Variants in LZTS3 observed in about 807,000 individuals in gnomAD.
The protein encoded by LZTS3 is leucine zipper tumor suppressor family member 3, also known as leucine zipper putative tumor suppressor 3.
A neutral mutation model predicts 50.9 loss-of-function variants in LZTS3; 16 were observed. The observed-to-expected ratio is 0.31, with a 90% CI of 0.21 to 0.48. The LOEUF (loss-of-function observed/expected upper bound fraction) is 0.48. Among genes scored for constraint, LZTS3 ranks in the 20% least tolerant of loss-of-function variants. The pLI is 0.99. For missense variants in LZTS3, 816 were observed against 931.0 expected, an observed-to-expected ratio of 0.88 and a Z score of 1.61; for synonymous variants, 408 against 410.6, an observed-to-expected ratio of 0.99 and a Z score of 0.08.
At chr20:3,166,648 G>C in intron 3 of LZTS3, 57 bp downstream of exon 3, 1 of 1,575,566 alleles carries the variant, frequency 6.3e-7, no homozygotes, top group Non-Finnish European at 8.7e-7. Flanking sequence ...CTTCCTCTCT[G>C]GGTTGCCTCC....
rs939105094 is a variant in LZTS3, at chr20:3,166,893, T to C, written c.271A>G (p.Lys91Glu). 4 of 1,613,270 alleles carry C rather than the reference T, an allele frequency of 2.5e-6. No individual in the cohort carries two copies. The African/African-American group carries it at 4.0e-5, about 16-fold the overall frequency. ...AGGTAGAGGGAGTTGGCGAGACCCT[T>C]GTCCTCTGAGGGGTAGCGGCCCGGC... ...ERPGRYPSED[K>E]GLANSLYLNG... Residue 91 changes from lysine (K) to glutamate (E), a missense_variant, in exon 3 of 5, where the codon AAG becomes GAG. Physicochemically the swap from Lys to Glu is moderately conservative, Grantham distance 56 (BLOSUM62 1). Transcript: ENST00000337576.
Position 3,166,104 on chromosome 20 carries a change from G to A in LZTS3, c.716C>T (p.Ala239Val), listed in dbSNP as rs1407139977. 1 of 1,612,458 alleles carries A rather than the reference G, an allele frequency of 6.2e-7. No individual in the cohort carries two copies. Among genetic ancestry groups the A allele is most frequent in the East Asian group, 2.2e-5 (1 of 44,836 alleles). The change falls in exon 4 of 5, where the codon GCA becomes GTA. Residue 239 changes from alanine to valine, a missense_variant. Ala to Val is a moderately conservative substitution (Grantham distance 64). Coordinates refer to ENST00000337576, the MANE Select transcript of LZTS3 (RefSeq NM_001365618.1). ...GTGGCTGGTGGAGGCACTGAGGGGT[G>A]CCAGGTGCTGGCTGTAGCTGGAGCT... is the stretch of plus-strand genomic sequence containing the variant. ...TYSSSYSQHL[A>V]PLSASTSHIN...
In LZTS3 at chr20:3,167,194, G is replaced by T. The variant is rs757977725; in HGVS notation, c.-18-13C>A. 7.6e-6 allele frequency: 11 copies of T among 1,444,886 alleles called. No homozygotes were observed. Among genetic ancestry groups the T allele is most frequent in the East Asian group, 2.5e-5 (1 of 40,790 alleles). 89.5% of individuals were successfully genotyped at this position (1,444,886 alleles called of 1,614,324 possible). A position where few individuals can be genotyped will look rare whatever the true frequency, so the allele number is the denominator to read the frequency against. On this transcript the variant is annotated splice_polypyrimidine_tract_variant and intron_variant, in intron 2 of 4. Coordinates refer to ENST00000337576, the MANE Select transcript of LZTS3 (RefSeq NM_001365618.1). ...AGCCAGGGGGGCACTGTGGGCACAG[G>T]TGGGAAGGCAGAGATAGGTAAGACC...
intron 1 of LZTS3, among the ~76,000 whole-genome samples, chr20:3,171,662 C>CA (rs35361315): frequency 0.051 from 5,498 of 108,296 alleles, 158 homozygotes; most frequent in East Asian, 0.15. Context: ...GATACCCCCT[C>CA]AAAAAAAAAA....
In LZTS3 at chr20:3,165,161, G is replaced by T; in HGVS notation, c.1324-9C>A. On this transcript the variant is annotated splice_polypyrimidine_tract_variant and intron_variant, in intron 4 of 4. Transcript: ENST00000337576. The surrounding 1 kb of genome is among the most constrained non-coding windows in gnomAD (Gnocchi z 5.0). ...CCAGCCTTCTGGCACACCTGGGCAG[G>T]AACAGGTGAGAGGAGAAGCCAGGTA... 21 of 1,539,170 alleles carry T rather than the reference G, an allele frequency of 1.4e-5. No individual in the cohort carries two copies. Among genetic ancestry groups the T allele is most frequent in the Non-Finnish European group, 1.8e-5 (20 of 1,142,832 alleles).
chr20:3,166,433 C>G (rs1311208159), intron 3 of LZTS3, 73 bp from the exon 4 acceptor site: 2 of 1,494,812 alleles, frequency 1.3e-6, no homozygotes, highest in African/African-American at 2.8e-5. Context: ...TCCCTCTGGC[C>G]AAGACTTGTC....
intron 1 of LZTS3, among the ~76,000 whole-genome samples, chr20:3,172,565 A>AC (rs1183898351): frequency 1.3e-5 from 2 of 151,452 alleles, no homozygotes; most frequent in African/African-American, 4.9e-5. Flanking sequence ...CCTGATCTCC[A>AC]CCCCCCAGAG....
chr20:3,169,258 T>G (rs1203297630), intron 1 of LZTS3, among the ~76,000 whole-genome samples: 2 of 152,168 alleles, frequency 1.3e-5, no homozygotes, highest in Non-Finnish European at 2.9e-5. Context: ...CTCCCCAGCA[T>G]ACTCCAGCCC....
At chr20:3,168,529 G>C (rs987932281) in intron 1 of LZTS3, 10 of 152,350 alleles carry the variant, frequency 6.6e-5, no homozygotes, top group African/African-American at 2.2e-4. Flanking sequence ...CTGTGGGTGC[G>C]CGTCCCCCTC....
intron 2 of LZTS3, chr20:3,167,396 AC>A (rs1448325192): frequency 3.6e-5 from 47 of 1,320,344 alleles, no homozygotes; most frequent in Non-Finnish European, 4.3e-5. Flanking sequence ...ATAAAGCCCA[AC>A]CCCCAGGGCT....
chr20:3,173,113 C>A (rs930423994), intron 1 of LZTS3, among the ~76,000 whole-genome samples: 1 of 152,094 alleles, frequency 6.6e-6, no homozygotes, highest in African/African-American at 2.4e-5. Context: ...TGATAGAGAC[C>A]CCAGCCACAG....
intron 1 of LZTS3, among the ~76,000 whole-genome samples, chr20:3,171,151 C>T (rs1396531740): frequency 1.3e-5 from 2 of 152,132 alleles, no homozygotes; most frequent in Admixed American, 6.5e-5. Context: ...AGGGGCAATA[C>T]AAACATGTAG....
At position 3,167,147 on chromosome 20, in the gene LZTS3, G is replaced by A. The variant is rs576991636; in HGVS notation, c.17C>T (p.Thr6Met). 25 of 1,484,508 alleles carry A rather than the reference G, an allele frequency of 1.7e-5. No individual in the cohort carries two copies. Among genetic ancestry groups the A allele is most frequent in the African/African-American group, 8.4e-5 (6 of 71,736 alleles). 92.0% of individuals were successfully genotyped at this position (1,484,508 alleles called of 1,614,324 possible). ...CCCTGGGTCAGCGCGCACAGGCAGC[G>A]TCTCCAGCTTCGCCATGACTAAGCC... MAKLE[T>M]LPVRADPGRD... is the part of the protein sequence containing the mutation. Residue 6 changes from threonine to methionine, a missense_variant, in exon 3 of 5, where the codon ACG becomes ATG. Around this residue, in one of 3 missense-constraint regions of LZTS3, gnomAD observed 700 missense variants for 769.4 expected, o/e 0.91. Transcript: ENST00000337576.
intron 3 of LZTS3, 64 bp from the exon 4 acceptor site, chr20:3,166,424 C>A: frequency 6.6e-7 from 1 of 1,513,288 alleles, no homozygotes; most frequent in Admixed American, 2.2e-5. Flanking sequence ...CCAGGCTCTT[C>A]CCTCTGGCCA....
Position 3,165,123 on chromosome 20 carries a change from G to A in LZTS3, c.1353C>T (p.Leu451=). The change falls in exon 5 of 5, where the codon CTC becomes CTT. Residue 451 remains leucine, a synonymous_variant. Coordinates refer to ENST00000337576, the MANE Select transcript of LZTS3 (RefSeq NM_001365618.1). This position sits in a 1 kb window ranked among gnomAD's most constrained non-coding sequence, Gnocchi z 5.0. ...EVCQKAGEIS[L]LKQQLKDSQA... The stretch of plus-strand genomic sequence containing the variant: ...GCGAGTCCTTCAGCTGCTGCTTCAG[G>A]AGGGAGATCTCGCCAGCCTTCTGGC... 1 of 1,585,984 alleles carries A rather than the reference G, an allele frequency of 6.3e-7. No homozygotes were observed. Among genetic ancestry groups the A allele is most frequent in the Non-Finnish European group, 8.6e-7 (1 of 1,166,836 alleles).
Position 3,168,955 on chromosome 20 carries a change from A to G in LZTS3, c.-242-994T>C, listed in dbSNP as rs2066869730. Among the ~76,000 whole-genome samples the G allele has an allele frequency of 1.3e-5, 2 of 152,148 alleles. 1 individual carries two copies. The highest frequency in any genetic ancestry group is 4.1e-4 in the South Asian group (2 of 4,826). On this transcript the variant is annotated intron_variant, in intron 1 of 4. Transcript: ENST00000337576. ...GAGTCTTCTGGCCCCCACACCAGGA[A>G]TGAGAGCTCTAGGTTGTTGGAAAGT...
chr20:3,162,823 C>T lies in LZTS3; in HGVS notation c.*1631G>A, dbSNP rs567666669. ...TTCTCCCTGCCCCTGTGGCCTAGGC[C>T]CAGGTTCTAGGGCAGGTACAGTGAG... On this transcript the variant is annotated 3_prime_UTR_variant, in exon 5 of 5. Coordinates refer to ENST00000337576, the MANE Select transcript of LZTS3 (RefSeq NM_001365618.1). This position sits in a 1 kb window ranked among gnomAD's most constrained non-coding sequence, Gnocchi z 5.0. The T allele has an allele frequency of 1.3e-5, 2 of 152,356 alleles. No homozygotes were observed. Among genetic ancestry groups the T allele is most frequent in the African/African-American group, 4.8e-5 (2 of 41,376 alleles). The allele number at this position is 152,356 out of a possible 1,614,324, so 9.4% of individuals were successfully genotyped here.
Position 3,166,783 on chromosome 20 carries a change from G to A in LZTS3, c.381C>T (p.Gly127=), listed in dbSNP as rs773771609. 2.5e-6 allele frequency: 4 copies of A among 1,613,698 alleles called. No individual in the cohort carries two copies. The highest frequency in any genetic ancestry group is 2.7e-5 in the African/African-American group (2 of 74,926). Residue 127 remains glycine, a synonymous_variant, in exon 3 of 5, where the codon GGC becomes GGT. Transcript: ENST00000337576. Reference sequence around the variant, plus strand: ...GATACTGCGGTGGGGCTTTGTCACTGCCACCACTGCTGCTGCTGCCTCCGC... The same window carrying A: ...GATACTGCGGTGGGGCTTTGTCACTACCACCACTGCTGCTGCTGCCTCCGC... ...GSSGGSSSSG[G]SDKAPPQYRE...
rs1421337827 is a variant in LZTS3, at chr20:3,166,865, T to C, written c.299A>G (p.Asn100Ser). 3.1e-6 allele frequency: 5 copies of C among 1,613,664 alleles called. No homozygotes were observed. Among genetic ancestry groups the C allele is most frequent in the Admixed American group, 3.3e-5 (2 of 59,992 alleles). Residue 100 changes from asparagine to serine, a missense_variant, in exon 3 of 5, where the codon AAT (asparagine) becomes AGT (serine). This residue lies in a region of LZTS3 where 700 missense variants were observed against 769.4 expected (regional missense o/e 0.91). Coordinates refer to ENST00000337576, the MANE Select transcript of LZTS3 (RefSeq NM_001365618.1). ...GTGGTCACTGCCCCGCAGCTCACCA[T>C]TGAGGTAGAGGGAGTTGGCGAGACC... ...DKGLANSLYL[N>S]GELRGSDHTD...
Sources: gnomAD v4.1 joint callset for allele counts (sites outside exome capture counted in the v4.1 genomes callset) on GRCh38, gnomAD v4.1.1 for gene constraint, gnomAD v4.1.1 regional missense constraint, Gnocchi (gnomAD v3.1) non-coding constraint, MANE v1.5 for transcripts, NCBI Gene and HGNC (gene_info 2026-07-23, HGNC 2026-07-21) for gene names.